The following TRIML1 variants were observed in gnomAD, a reference collection of about 807,000 sequenced individuals.
The protein encoded by TRIML1 is tripartite motif family like 1, also known as probable E3 ubiquitin-protein ligase TRIML1.
In TRIML1, 34 loss-of-function variants were observed where a neutral mutation model predicts 32.3. That is an observed-to-expected ratio of 1.05 (90% CI 0.80 to 1.40). The LOEUF (loss-of-function observed/expected upper bound fraction) is 1.40. Among genes scored for constraint, TRIML1 ranks in the 40% most tolerant of loss-of-function variants. TRIML1 has a pLI of 0.00. For missense variants in TRIML1, 595 were observed against 574.9 expected (o/e 1.03, Z -0.36); for synonymous variants, 244 against 226.6 (o/e 1.08, Z -0.69).
At chr4:188,137,278 G>A (rs1298521524), upstream of TRIML1, among the ~76,000 whole-genome samples, 1 of 144,182 alleles carries the variant, frequency 6.9e-6, no homozygotes, top group Admixed American at 6.9e-5. Flanking sequence ...AGTGGTGGCA[G>A]TTAGTGTTAT....
At chr4:188,143,658 C>T (rs777374625) in intron 3 of TRIML1, 180 bp from the exon 4 acceptor site, 13 of 717,160 alleles carry the variant, frequency 1.8e-5, no homozygotes, top group Non-Finnish European at 2.7e-5. Context: ...ACCTTGTGTT[C>T]ACCACAGCAC....
At chr4:188,143,792 T>C in intron 3 of TRIML1, 46 bp from the exon 4 acceptor site, 1 of 1,612,954 alleles carries the variant, frequency 6.2e-7, no homozygotes, top group South Asian at 1.1e-5. Flanking sequence ...TCGTCTGTGT[T>C]ATGATCAAAG....
At chr4:188,142,782 T>C (rs1734913123) in intron 3 of TRIML1, 1 of 304,070 alleles carries the variant, frequency 3.3e-6, no homozygotes, top group African/African-American at 2.2e-5. Flanking sequence ...AGTTTATTAA[T>C]GTGTATTTAC....
At chr4:188,142,227 T>C in intron 2 of TRIML1, 25 bp from the exon 3 acceptor site, 1 of 1,399,736 alleles carries the variant, frequency 7.1e-7, no homozygotes, top group Non-Finnish European at 1.0e-6. Context: ...TGTGTGTGTG[T>C]GTGTGTGTGT....
chr4:188,147,261 C>T lies in TRIML1; in HGVS notation c.1296C>T (p.Phe432=). 1 of 1,589,210 alleles carries T rather than the reference C, an allele frequency of 6.3e-7. No individual in the cohort carries two copies. Among genetic ancestry groups the T allele is most frequent in the Non-Finnish European group, 8.6e-7 (1 of 1,167,704 alleles). The stretch of plus-strand genomic sequence containing the variant: ...CGGATGAATCCCTCATCTACAGCTT[C>T]CCGCAGGCTTCTTTCCAAGAGGCCC... The part of the protein sequence containing the change: ...NGTDESLIYS[F]PQASFQEALR... Residue 432 remains phenylalanine (F), a synonymous_variant, in exon 6 of 6, where the codon TTC becomes TTT. Transcript: ENST00000332517.
chr4:188,149,399 A>G (rs1035221966), downstream of TRIML1, among the ~76,000 whole-genome samples: 2 of 152,152 alleles, frequency 1.3e-5, no homozygotes, highest in African/African-American at 4.8e-5. Context: ...TTTAGGAAAA[A>G]TGTTTATCAG....
Position 188,144,136 on chromosome 4 carries a change from A to T in TRIML1, c.856+3A>T, listed in dbSNP as rs1734967302. ...GGAGATGCTAAGAAAATTCAGCAGT[A>T]AGTCAGCCTGATTTGTTACCCCTCC... On this transcript the variant is annotated splice_donor_region_variant and intron_variant, in intron 5 of 5. Coordinates refer to ENST00000332517, the MANE Select transcript of TRIML1 (RefSeq NM_178556.5). 2.5e-6 allele frequency: 4 copies of T among 1,613,240 alleles called. No individual in the cohort carries two copies. The South Asian group carries it at 4.4e-5, about 18-fold the overall frequency.
chr4:188,145,520 T>G (rs1313518024), intron 5 of TRIML1, among the ~76,000 whole-genome samples: 3 of 133,108 alleles, frequency 2.3e-5, no homozygotes, highest in African/African-American at 5.8e-5. Context: ...GTCTGGACAG[T>G]GAGTGGAAGT....
chr4:188,144,544 A>G lies in TRIML1; in HGVS notation c.856+411A>G, dbSNP rs541498540. 2.9e-4 allele frequency among the ~76,000 whole-genome samples: 41 copies of G among 140,178 alleles called. 7 individuals are homozygous for G. Among genetic ancestry groups the G allele is most frequent in the Admixed American group, 1.6e-3 (22 of 13,948 alleles). 92.0% of individuals were successfully genotyped at this position (140,178 alleles called of 152,430 possible). On this transcript the variant is annotated intron_variant, in intron 5 of 5. Coordinates refer to ENST00000332517, the MANE Select transcript of TRIML1 (RefSeq NM_178556.5). ...CGCCTGGGTAATTTTTTGTATTTTT[A>G]GTACAGACGGGGTTTCACTGTGTTA...
At chr4:188,143,690 C>G (rs1292730202) in intron 3 of TRIML1, 148 bp from the exon 4 acceptor site, 3 of 890,372 alleles carry the variant, frequency 3.4e-6, no homozygotes, top group Non-Finnish European at 5.5e-6. Flanking sequence ...AAACTGGGGA[C>G]GCTTTTCTCT....
In TRIML1 at chr4:188,142,405, C is replaced by G; in HGVS notation, c.658C>G (p.Gln220Glu). 6.2e-7 allele frequency: 1 copy of G among 1,613,758 alleles called. No individual in the cohort carries two copies. Among genetic ancestry groups the G allele is most frequent in the Non-Finnish European group, 8.5e-7 (1 of 1,179,974 alleles). ...KLRNNEIKLT[Q>E]QIRSLSKMIA... ...GAGGAACAATGAGATCAAACTGACC[C>G]AGCAAATCAGAAGCCTAAGCAAAAT... The change falls in exon 3 of 6, where the codon CAG becomes GAG. Residue 220 changes from glutamine to glutamate, a missense_variant. By Grantham distance (29) the Gln-to-Glu change is conservative. Coordinates refer to ENST00000332517, the MANE Select transcript of TRIML1 (RefSeq NM_178556.5).
intron 3 of TRIML1, 172 bp from the exon 4 acceptor site, chr4:188,143,666 C>T: frequency 1.3e-6 from 1 of 750,434 alleles, no homozygotes; most frequent in Admixed American, 2.1e-5. Context: ...TTCACCACAG[C>T]ACATCCCTGG....
At chr4:188,144,518 A>T (rs553992563) in intron 5 of TRIML1, among the ~76,000 whole-genome samples, 14 of 138,322 alleles carry the variant, frequency 1.0e-4, no homozygotes, top group African/African-American at 2.9e-4. Context: ...GCCCGCCACC[A>T]CGCCTGGGTA....
downstream of TRIML1, among the ~76,000 whole-genome samples, chr4:188,150,089 C>G (rs570497534): frequency 6.6e-6 from 1 of 151,990 alleles, no homozygotes; most frequent in Non-Finnish European, 1.5e-5. Flanking sequence ...GAGACGTGAG[C>G]CACCGCGCCC....
intron 5 of TRIML1, among the ~76,000 whole-genome samples, chr4:188,145,441 CAAAAAAAAAAAAAAAAAA>C (rs869253721): frequency 2.9e-5 from 1 of 34,320 alleles, no homozygotes; most frequent in Non-Finnish European, 4.8e-5. Flanking sequence ...GACTCCGTCT[CAAAAAAAAAAAAAAAAAA>C]AAAAAAAAAA....
rs1475793850 is a variant in TRIML1 at position 188,139,720 on chromosome 4, T to C, written c.162T>C (p.Pro54=). 6.2e-7 allele frequency: 1 copy of C among 1,613,900 alleles called. No homozygotes were observed. Among genetic ancestry groups the C allele is most frequent in the Non-Finnish European group, 8.5e-7 (1 of 1,180,002 alleles). The part of the protein sequence containing the change: ...WEEHNTPLSC[P]ECWRTLEGPH... Reference sequence around the variant, plus strand: ...AACATAACACACCTTTATCTTGTCCTGAGTGCTGGAGGACCTTGGAGGGCC... The same window carrying C: ...AACATAACACACCTTTATCTTGTCCCGAGTGCTGGAGGACCTTGGAGGGCC... Residue 54 remains proline (P), a synonymous_variant, in exon 1 of 6, where the codon CCT becomes CCC. Transcript: ENST00000332517.
At chr4:188,148,900 G>GC (rs1735177849), downstream of TRIML1, among the ~76,000 whole-genome samples, 1 of 106,822 alleles carries the variant, frequency 9.4e-6, no homozygotes, top group African/African-American at 3.8e-5. Flanking sequence ...CCGTGCCCAG[G>GC]CTTTTTTTTT....
Position 188,139,787 on chromosome 4 carries a change from A to G in TRIML1, c.229A>G (p.Ile77Val). Residue 77 changes from isoleucine (I) to valine (V), a missense_variant, in exon 1 of 6, where the codon ATC (isoleucine) becomes GTC (valine). Coordinates refer to ENST00000332517, the MANE Select transcript of TRIML1 (RefSeq NM_178556.5). ...CGAGCGTCTGGGGAGGCTGGCCAGC[A>G]TCGCCAGGCAGCTCCGGTCCCAGGT... ...SNERLGRLASIARQLRSQVLQ... is the reference protein window; with the variant it reads ...SNERLGRLASVARQLRSQVLQ... 1 of 1,613,930 alleles carries G rather than the reference A, an allele frequency of 6.2e-7. No individual in the cohort carries two copies.
chr4:188,143,750 G>C, intron 3 of TRIML1, 88 bp from the exon 4 acceptor site: 6 of 1,517,508 alleles, frequency 4.0e-6, no homozygotes, highest in Non-Finnish European at 5.5e-6. Context: ...CAGATTCTGT[G>C]AGCTTTGCAA....
Sources: gnomAD v4.1 joint callset for allele counts (sites outside exome capture counted in the v4.1 genomes callset) on GRCh38, gnomAD v4.1.1 for gene constraint, MANE v1.5 for transcripts, NCBI Gene and HGNC (gene_info 2026-07-23, HGNC 2026-07-21) for gene names.